The following TBC1D19 variants were observed in gnomAD, a reference collection of about 807,000 sequenced individuals.
The protein encoded by TBC1D19 is TBC1 domain family, member 19.
A neutral mutation model predicts 89.0 loss-of-function variants in TBC1D19; 60 were observed. The observed-to-expected ratio is 0.67, with a 90% CI of 0.55 to 0.84. TBC1D19 has a LOEUF of 0.84. TBC1D19 is among the 40% of genes least tolerant of loss of function. The pLI is 0.00. For synonymous variants in TBC1D19, 189 were observed against 199.7 expected (o/e 0.95, Z 0.45); for missense variants, 500 against 610.8 (o/e 0.82, Z 1.91).
chr4:26,693,800 G>T (rs956475375), intron 13 of TBC1D19, among the ~76,000 whole-genome samples: 2 of 152,120 alleles, frequency 1.3e-5, no homozygotes, highest in African/African-American at 4.8e-5. Context: ...CGAAATTCTG[G>T]CGTTGAAAAG....
the TBC1D19 span, chr4:26,858,822 A>G: frequency 1.3e-5 from 2 of 152,182 alleles, no homozygotes; most frequent in African/African-American, 4.8e-5. Flanking sequence ...TGAGAGGAAT[A>G]AACACTTAAA....
chr4:26,652,727 T>C (rs910763441), intron 7 of TBC1D19, among the ~76,000 whole-genome samples: 2 of 152,202 alleles, frequency 1.3e-5, no homozygotes, highest in Non-Finnish European at 2.9e-5. Flanking sequence ...CCTTTATCAT[T>C]TTTTATTGTG....
chr4:26,819,230 C>T, the TBC1D19 span, among the ~76,000 whole-genome samples: 1 of 152,284 alleles, frequency 6.6e-6, no homozygotes, highest in East Asian at 1.9e-4. Flanking sequence ...GTTTCCTCTC[C>T]CAGGGCAGTG....
intron 11 of TBC1D19, among the ~76,000 whole-genome samples, chr4:26,679,681 G>T (rs1480584512): frequency 6.6e-6 from 1 of 152,198 alleles, no homozygotes; most frequent in Non-Finnish European, 1.5e-5. Context: ...TGGAAAAGCT[G>T]CAGACACCCA....
chr4:26,603,321 T>A (rs73114621), intron 1 of TBC1D19, among the ~76,000 whole-genome samples: 1,766 of 152,296 alleles, frequency 0.012, 44 homozygotes, highest in African/African-American at 0.041. Context: ...AAAAGATCAG[T>A]GTATAATGTT....
intron 15 of TBC1D19, among the ~76,000 whole-genome samples, chr4:26,728,402 CAT>C (rs537967152): frequency 1.8e-3 from 273 of 152,172 alleles, no homozygotes; most frequent in African/African-American, 6.2e-3. Context: ...TTTTCTTTCA[CAT>C]GTCAACATGT....
At chr4:26,759,757 G>A (rs978095659), downstream of TBC1D19, among the ~76,000 whole-genome samples, 6 of 152,116 alleles carry the variant, frequency 3.9e-5, no homozygotes, top group African/African-American at 1.4e-4. Context: ...TGCTTAGCAT[G>A]TTTTGAGATT....
At chr4:26,784,574 T>C in the TBC1D19 span, among the ~76,000 whole-genome samples, 12 of 152,142 alleles carry the variant, frequency 7.9e-5, no homozygotes, top group East Asian at 3.9e-4. Context: ...ATCCACCCAA[T>C]TGCCCATCAG....
At chr4:26,697,447 G>C (rs1285483759) in intron 13 of TBC1D19, among the ~76,000 whole-genome samples, 2 of 152,136 alleles carry the variant, frequency 1.3e-5, no homozygotes, top group African/African-American at 4.8e-5. Flanking sequence ...GGAGGAGCTG[G>C]TACCATTCCT....
chr4:26,644,090 C>T (rs548657187), intron 7 of TBC1D19, among the ~76,000 whole-genome samples: 130 of 152,146 alleles, frequency 8.5e-4, no homozygotes, highest in African/African-American at 2.6e-3. Flanking sequence ...CAGCATCATC[C>T]GGATACCAAA....
intron 11 of TBC1D19, 130 bp from the exon 12 acceptor site, chr4:26,683,545 G>A: frequency 1.6e-6 from 1 of 618,470 alleles, no homozygotes; most frequent in Non-Finnish European, 2.7e-6. Context: ...TCAGGCATGA[G>A]GGTTATAGTA....
chr4:26,625,051 AAATTC>A (rs1018382281), intron 4 of TBC1D19, among the ~76,000 whole-genome samples: 36 of 152,258 alleles, frequency 2.4e-4, no homozygotes, highest in African/African-American at 3.9e-4. Flanking sequence ...TACCCTGGAA[AAATTC>A]AATTCATTTT....
At chr4:26,594,382 C>T (rs889522231) in intron 1 of TBC1D19, among the ~76,000 whole-genome samples, 1 of 151,938 alleles carries the variant, frequency 6.6e-6, no homozygotes, top group African/African-American at 2.4e-5. Context: ...GGAGATATAC[C>T]TAATGTTAAA....
chr4:26,653,963 T>C (rs7674106), intron 7 of TBC1D19, among the ~76,000 whole-genome samples: 6,495 of 152,292 alleles, frequency 0.043, 478 homozygotes, highest in African/African-American at 0.15. Flanking sequence ...AGTTTCTTCC[T>C]AGCCTTGATG....
the TBC1D19 span, among the ~76,000 whole-genome samples, chr4:26,835,460 G>A: frequency 9.9e-5 from 15 of 152,196 alleles, no homozygotes; most frequent in Admixed American, 1.3e-4. Context: ...GCAGCAATAA[G>A]AAATGAGTAC....
chr4:26,749,582 G>C (rs1406766853), intron 19 of TBC1D19, among the ~76,000 whole-genome samples: 2 of 151,638 alleles, frequency 1.3e-5, no homozygotes, highest in Non-Finnish European at 2.9e-5. Flanking sequence ...GAATAGCTGA[G>C]ATTACAGGCG....
intron 16 of TBC1D19, among the ~76,000 whole-genome samples, chr4:26,736,760 G>T (rs1718073620): frequency 6.6e-6 from 1 of 152,146 alleles, no homozygotes; most frequent in Non-Finnish European, 1.5e-5. Flanking sequence ...ATTTCTCCAG[G>T]CTACTTATAT....
At chr4:26,778,960 G>A in the TBC1D19 span, among the ~76,000 whole-genome samples, 72,384 of 151,958 alleles carry the variant, frequency 0.48, 19,233 homozygotes, top group Admixed American at 0.63. Flanking sequence ...AATCAAATCC[G>A]AATCTCTGGG....
the TBC1D19 span, among the ~76,000 whole-genome samples, chr4:26,762,161 A>T: frequency 6.6e-6 from 1 of 152,056 alleles, no homozygotes; most frequent in Admixed American, 6.6e-5. Context: ...ATAAAACAGT[A>T]GGGGAAAGTG....
Sources: gnomAD v4.1 joint callset for allele counts (sites outside exome capture counted in the v4.1 genomes callset) on GRCh38, gnomAD v4.1.1 for gene constraint, MANE v1.5 for transcripts, NCBI Gene and HGNC (gene_info 2026-07-23, HGNC 2026-07-21) for gene names.